The following SARM1 variants were observed in gnomAD, a reference collection of about 807,000 sequenced individuals.
SARM1 encodes the protein sterile alpha and TIR motif containing 1, also known as NAD(+) hydrolase SARM1.
SARM1 carries 60 observed loss-of-function variants against 65.1 expected under a neutral mutation model. The observed-to-expected ratio is 0.92, with a 90% CI of 0.75 to 1.14. The LOEUF (loss-of-function observed/expected upper bound fraction) is 1.14. SARM1 is among the 50% of genes most tolerant of loss of function. The pLI is 0.00. For synonymous variants in SARM1, 417 were observed against 465.4 expected (o/e 0.90, Z 1.34); for missense variants, 913 against 1,015.7 (o/e 0.90, Z 1.37).
At position 28,384,570 on chromosome 17, in the gene SARM1, G is replaced by C. The variant is rs555653082; in HGVS notation, c.1302+1G>C. The C allele has an allele frequency of 6.3e-7, 1 of 1,595,744 alleles. No individual in the cohort carries two copies. The highest frequency in any genetic ancestry group is 8.5e-7 in the Non-Finnish European group (1 of 1,171,530). ...CTCCAAGTACTGCGAGAGCTTCCGG[G>C]TAGAGTCGCGTGGGATACGCCTCCC... On this transcript the variant is annotated splice_donor_variant, in intron 3 of 8. Transcript: ENST00000585482. LOFTEE classifies it high-confidence loss of function. This position sits in a 1 kb window ranked among gnomAD's most constrained non-coding sequence, Gnocchi z 4.4.
Position 28,385,380 on chromosome 17 carries a change from G to GCAGCTCCC in SARM1, c.1630+105_1630+106insCAGCTCCC. On this transcript the variant is annotated intron_variant, in intron 5 of 8. Transcript: ENST00000585482. The surrounding 1 kb of genome is among the most constrained non-coding windows in gnomAD (Gnocchi z 4.5). ...GAGCCTTCCAGCCTCGCCGTGGATTGATTGAGCACAAACGTGGGTCACACT... is the reference window on the plus strand; with the variant it reads ...GAGCCTTCCAGCCTCGCCGTGGATTGCAGCTCCCATTGAGCACAAACGTGGGTCACACT... 1 of 862,832 alleles carries GCAGCTCCC rather than the reference G, an allele frequency of 1.2e-6. No individual in the cohort carries two copies. The highest frequency in any genetic ancestry group is 1.7e-6 in the Non-Finnish European group (1 of 575,754). The allele number at this position is 862,832 out of a possible 1,614,324, so 53.4% of individuals were successfully genotyped here.
chr17:28,379,327 T>C (rs1037500374), intron 1 of SARM1, among the ~76,000 whole-genome samples: 1 of 146,780 alleles, frequency 6.8e-6, no homozygotes, highest in African/African-American at 2.5e-5. Context: ...TTTTTTTTTT[T>C]TGAGACGGAG....
rs781857635 is a variant in SARM1 at position 28,399,516 on chromosome 17, T to C, written c.*3230T>C. 2 of 834,062 alleles carry C rather than the reference T, an allele frequency of 2.4e-6. No individual in the cohort carries two copies. The highest frequency in any genetic ancestry group is 3.4e-5 in the African/African-American group (2 of 59,266). The allele number at this position is 834,062 out of a possible 1,614,324, so 51.7% of individuals were successfully genotyped here. On this transcript the variant is annotated 3_prime_UTR_variant, in exon 9 of 9. Coordinates refer to ENST00000585482, the MANE Select transcript of SARM1 (RefSeq NM_015077.4). ...GGATGGGGTGGTGCCTTGGTCTCTC[T>C]TGACTACCTCGTCCAAAGAGAGCAC...
rs138642903 is a variant in SARM1, at chr17:28,381,587, C to T, written c.855C>T (p.Arg285=). The change falls in exon 2 of 9, where the codon CGC becomes CGT. Residue 285 remains arginine (R), a synonymous_variant. Coordinates refer to ENST00000585482, the MANE Select transcript of SARM1 (RefSeq NM_015077.4). ...AVLATNKEVE[R]EVERSGTLAL... ...TGGCGACTAACAAGGAGGTGGAGCG[C>T]GAGGTGGAGCGCTCGGGCACGCTGG... 200 of 1,589,980 alleles carry T rather than the reference C, an allele frequency of 1.3e-4. No homozygotes were observed. In the African/African-American group the frequency reaches 2.4e-3, roughly 19 times the overall value.
chr17:28,391,937 C>T (rs1238863267), intron 7 of SARM1, among the ~76,000 whole-genome samples: 1 of 145,656 alleles, frequency 6.9e-6, no homozygotes, highest in Non-Finnish European at 1.5e-5. Flanking sequence ...CCAGGCTGGT[C>T]CCGAACTCCT....
chr17:28,385,539 A>G lies in SARM1; in HGVS notation c.1630+264A>G, dbSNP rs1200747747. On this transcript the variant is annotated intron_variant, in intron 5 of 8. Transcript: ENST00000585482. This position sits in a 1 kb window ranked among gnomAD's most constrained non-coding sequence, Gnocchi z 4.5. The stretch of plus-strand genomic sequence containing the variant: ...CCGGCAGGAAGCTACCCAGGTCTCC[A>G]GTGGGAGCACAGAGGAAGCCCAGCC... The G allele has an allele frequency of 5.7e-6, 3 of 522,334 alleles. No individual in the cohort carries two copies. Among genetic ancestry groups the G allele is most frequent in the South Asian group, 5.0e-5 (2 of 39,938 alleles). 32.4% of individuals were successfully genotyped at this position (522,334 alleles called of 1,614,324 possible).
At position 28,400,743 on chromosome 17, in the gene SARM1, AG is replaced by A; in HGVS notation, c.*4459del. On this transcript the variant is annotated 3_prime_UTR_variant, in exon 9 of 9. Coordinates refer to ENST00000585482, the MANE Select transcript of SARM1 (RefSeq NM_015077.4). ...GTCAGCATGGCCAGGCTATTCACAC[AG>A]GCCACAGCAGAAAAGAGAGCACCTG... is the stretch of plus-strand genomic sequence containing the variant. 1 of 1,584,654 alleles carries A rather than the reference AG, an allele frequency of 6.3e-7. No individual in the cohort carries two copies. Among genetic ancestry groups the A allele is most frequent in the East Asian group, 2.3e-5 (1 of 43,730 alleles).
intron 7 of SARM1, chr17:28,394,838 T>G (rs1555587412): frequency 6.6e-6 from 1 of 152,208 alleles, no homozygotes; most frequent in Non-Finnish European, 1.5e-5. Flanking sequence ...GAGAGGAATT[T>G]TAGCAGGATT....
chr17:28,403,612 CTTAA>C lies in SARM1; in HGVS notation c.*7329_*7332del, dbSNP rs1262504132. 6.6e-6 allele frequency: 1 copy of C among 152,074 alleles called. No individual in the cohort carries two copies. Among genetic ancestry groups the C allele is most frequent in the African/African-American group, 2.4e-5 (1 of 41,394 alleles). 9.4% of individuals were successfully genotyped at this position (152,074 alleles called of 1,614,324 possible). On this transcript the variant is annotated 3_prime_UTR_variant, in exon 9 of 9. Coordinates refer to ENST00000585482, the MANE Select transcript of SARM1 (RefSeq NM_015077.4). ...AGCAGGAGGGAAAGGTTCCCTTCTG[CTTAA>C]TTGTCAGACAAGCAGTTGAGTTAAG...
chr17:28,381,154 T>G (rs782623470), intron 1 of SARM1, 49 bp from the exon 2 acceptor site: 62 of 1,533,808 alleles, frequency 4.0e-5, no homozygotes, highest in Non-Finnish European at 5.3e-5. Context: ...CAAGCCAAGC[T>G]CCCCAAGCTG....
Position 28,385,488 on chromosome 17 carries a change from G to A in SARM1, c.1630+213G>A, listed in dbSNP as rs2068046448. 2 of 574,288 alleles carry A rather than the reference G, an allele frequency of 3.5e-6. No homozygotes were observed. Among genetic ancestry groups the A allele is most frequent in the Non-Finnish European group, 6.1e-6 (2 of 328,270 alleles). 35.6% of individuals were successfully genotyped at this position (574,288 alleles called of 1,614,324 possible). On this transcript the variant is annotated intron_variant, in intron 5 of 8. Transcript: ENST00000585482. The surrounding 1 kb of genome is among the most constrained non-coding windows in gnomAD (Gnocchi z 4.5). ...TGAGGTGGGTAGGCGGTGGGAGGAA[G>A]GAGGCTATTAAACAGGCAAGCGGCC...
Position 28,371,952 on chromosome 17 carries a change from G to A in SARM1, c.-81G>A, listed in dbSNP as rs113251283. On this transcript the variant is annotated 5_prime_UTR_variant, in exon 1 of 9. Coordinates refer to ENST00000585482, the MANE Select transcript of SARM1 (RefSeq NM_015077.4). ...CCATCTTCTTTCCCCGACCCCTCTC[G>A]GGTCCCTCTTTTCCCAAAACCCGGG... is the stretch of plus-strand genomic sequence containing the variant. The A allele has an allele frequency of 8.8e-4, 940 of 1,065,514 alleles. 7 individuals carry two copies. The African/African-American group carries it at 0.014, about 16-fold the overall frequency. 66.0% of individuals were successfully genotyped at this position (1,065,514 alleles called of 1,614,324 possible). A position where few individuals can be genotyped will look rare whatever the true frequency, so the allele number is the denominator to read the frequency against.
At chr17:28,389,067 G>A (rs140927636) in intron 7 of SARM1, among the ~76,000 whole-genome samples, 9 of 152,194 alleles carry the variant, frequency 5.9e-5, no homozygotes, top group African/African-American at 2.2e-4. Flanking sequence ...GAGGATCAGA[G>A]AGACATAAAA....
At chr17:28,375,945 A>G (rs1485055497) in intron 1 of SARM1, among the ~76,000 whole-genome samples, 1 of 152,248 alleles carries the variant, frequency 6.6e-6, no homozygotes, top group Non-Finnish European at 1.5e-5. Context: ...ATTTGCATGT[A>G]TATTATATAG....
chr17:28,397,691 A>G lies in SARM1; in HGVS notation c.*1405A>G, dbSNP rs2068145137. 1 of 152,264 alleles carries G rather than the reference A, an allele frequency of 6.6e-6. No individual in the cohort carries two copies. Among genetic ancestry groups the G allele is most frequent in the Non-Finnish European group, 1.5e-5 (1 of 68,064 alleles). The allele number at this position is 152,264 out of a possible 1,614,324, so 9.4% of individuals were successfully genotyped here. A position where few individuals can be genotyped will look rare whatever the true frequency, so the allele number is the denominator to read the frequency against. ...GCAGCGGGGGATAGGATTTTGCAACAAAAAGCTGACCCAGAGGCCATACAG... is the reference window on the plus strand; with the variant it reads ...GCAGCGGGGGATAGGATTTTGCAACGAAAAGCTGACCCAGAGGCCATACAG... On this transcript the variant is annotated 3_prime_UTR_variant, in exon 9 of 9. Coordinates refer to ENST00000585482, the MANE Select transcript of SARM1 (RefSeq NM_015077.4).
rs76772329 is a variant in SARM1, at chr17:28,380,088, T to C, written c.471-1115T>C. ...TTTTTTTTTCTGTCTCTCTCTCTCT[T>C]TTTTTTTTTTTTCTTTTGACACAGG... On this transcript the variant is annotated intron_variant, in intron 1 of 8. Transcript: ENST00000585482. Among the ~76,000 whole-genome samples the C allele has an allele frequency of 5.4e-5, 8 of 147,910 alleles. No homozygotes were observed. In the East Asian group the frequency reaches 8.2e-4, roughly 15 times the overall value.
In SARM1 at chr17:28,402,259, G is replaced by C; in HGVS notation, c.*5973G>C. ...TCACCCTGCTCTGTCTCTCTCACCAGCTTGGAGAGTTTAGCCCGGATGACA... is the reference window on the plus strand; with the variant it reads ...TCACCCTGCTCTGTCTCTCTCACCACCTTGGAGAGTTTAGCCCGGATGACA... On this transcript the variant is annotated 3_prime_UTR_variant, in exon 9 of 9. Transcript: ENST00000585482. 1 of 1,613,544 alleles carries C rather than the reference G, an allele frequency of 6.2e-7. No homozygotes were observed. The highest frequency in any genetic ancestry group is 8.5e-7 in the Non-Finnish European group (1 of 1,179,712).
intron 7 of SARM1, chr17:28,395,255 G>C (rs2068105486): frequency 6.6e-6 from 1 of 152,168 alleles, no homozygotes; most frequent in Admixed American, 6.5e-5. Flanking sequence ...ACCATGCCCA[G>C]CTGAATTATT....
Position 28,399,526 on chromosome 17 carries a change from C to T in SARM1, c.*3240C>T, listed in dbSNP as rs556311575. ...GTGCCTTGGTCTCTCTTGACTACCT[C>T]GTCCAAAGAGAGCACTGCCCTTAGA... is the stretch of plus-strand genomic sequence containing the variant. On this transcript the variant is annotated 3_prime_UTR_variant, in exon 9 of 9. Transcript: ENST00000585482. 4 of 890,960 alleles carry T rather than the reference C, an allele frequency of 4.5e-6. No individual in the cohort carries two copies. The highest frequency in any genetic ancestry group is 2.6e-5 in the East Asian group (1 of 38,062). 55.2% of individuals were successfully genotyped at this position (890,960 alleles called of 1,614,324 possible).
Sources: gnomAD v4.1 joint callset for allele counts (sites outside exome capture counted in the v4.1 genomes callset) on GRCh38, gnomAD v4.1.1 for gene constraint, Gnocchi (gnomAD v3.1) non-coding constraint, MANE v1.5 for transcripts, NCBI Gene and HGNC (gene_info 2026-07-23, HGNC 2026-07-21) for gene names.